SH3GL3: variants seen among roughly 807,000 people sequenced by gnomAD.
SH3GL3 encodes the protein SH3 domain containing GRB2 like 3, endophilin A3, also known as endophilin-A3.
SH3GL3 carries 33 observed loss-of-function variants against 47.7 expected under a neutral mutation model. That is an observed-to-expected ratio of 0.69 (90% CI 0.52 to 0.92). The LOEUF (loss-of-function observed/expected upper bound fraction) is 0.92. Among genes scored for constraint, SH3GL3 ranks in the 40% least tolerant of loss-of-function variants. The probability of loss-of-function intolerance (pLI) is 0.00; values close to 1 mark genes in which losing one functional copy is unlikely to be tolerated. For synonymous variants in SH3GL3, 155 were observed against 148.8 expected, an observed-to-expected ratio of 1.04 and a Z score of -0.30; for missense variants, 363 against 417.8, an observed-to-expected ratio of 0.87 and a Z score of 1.14.
intron 2 of SH3GL3, 145 bp downstream of exon 2, chr15:83,559,466 C>A (rs750869118): frequency 2.9e-5 from 17 of 594,260 alleles, no homozygotes; most frequent in Admixed American, 5.7e-5. Flanking sequence ...GCAGTACTTT[C>A]CCACGTCCCA....
At chr15:83,543,453 T>G (rs1349246170) in intron 1 of SH3GL3, among the ~76,000 whole-genome samples, 1 of 151,986 alleles carries the variant, frequency 6.6e-6, no homozygotes, top group Non-Finnish European at 1.5e-5. Flanking sequence ...TTGTTTTGTT[T>G]GTTTGTTTGT....
At chr15:83,464,840 C>T (rs1353691812) in intron 1 of SH3GL3, among the ~76,000 whole-genome samples, 1 of 152,030 alleles carries the variant, frequency 6.6e-6, no homozygotes, top group East Asian at 1.9e-4. Context: ...ATTCATTTGC[C>T]CACAATGGCC....
At chr15:83,518,397 T>G (rs1015393976) in intron 1 of SH3GL3, among the ~76,000 whole-genome samples, 1 of 152,188 alleles carries the variant, frequency 6.6e-6, no homozygotes, top group African/African-American at 2.4e-5. Flanking sequence ...CTCACCATTA[T>G]CTGTTGTTTT....
chr15:83,517,926 A>G (rs2043053633), intron 1 of SH3GL3, among the ~76,000 whole-genome samples: 1 of 151,826 alleles, frequency 6.6e-6, no homozygotes, highest in Non-Finnish European at 1.5e-5. Flanking sequence ...AGTAGTCCCC[A>G]TTGTCTATTG....
chr15:83,613,801 T>C (rs1049564645), intron 8 of SH3GL3, among the ~76,000 whole-genome samples: 4 of 152,158 alleles, frequency 2.6e-5, no homozygotes, highest in African/African-American at 9.7e-5. Context: ...CCCTCCTGTT[T>C]CTGGCTCAGC....
chr15:83,466,267 A>G (rs1449045604), intron 1 of SH3GL3, among the ~76,000 whole-genome samples: 1 of 152,190 alleles, frequency 6.6e-6, no homozygotes, highest in African/African-American at 2.4e-5. Context: ...CAGTTTGTTC[A>G]ACCATTAACA....
intron 1 of SH3GL3, among the ~76,000 whole-genome samples, chr15:83,469,379 T>A (rs1393511510): frequency 6.6e-6 from 1 of 152,152 alleles, no homozygotes; most frequent in African/African-American, 2.4e-5. Context: ...TATTTGCATA[T>A]TTTCCTTCCA....
intron 1 of SH3GL3, among the ~76,000 whole-genome samples, chr15:83,489,480 C>T (rs2041765969): frequency 2.6e-5 from 4 of 152,172 alleles, no homozygotes; most frequent in Admixed American, 2.0e-4. Flanking sequence ...CCCCACCTCC[C>T]GTGGGAACTG....
chr15:83,530,780 A>G (rs1373030746), intron 1 of SH3GL3, among the ~76,000 whole-genome samples: 1 of 152,114 alleles, frequency 6.6e-6, no homozygotes, highest in East Asian at 1.9e-4. Flanking sequence ...TCAGTTAATC[A>G]TCATGATTCA....
intron 1 of SH3GL3, among the ~76,000 whole-genome samples, chr15:83,546,182 TG>T (rs1468067970): frequency 1.3e-5 from 2 of 151,216 alleles, no homozygotes; most frequent in East Asian, 3.9e-4. Flanking sequence ...GGCCTGGAAC[TG>T]GGGGCTGCAG....
chr15:83,607,156 T>C (rs2060538529), intron 8 of SH3GL3, among the ~76,000 whole-genome samples: 1 of 152,252 alleles, frequency 6.6e-6, no homozygotes, highest in Non-Finnish European at 1.5e-5. Context: ...TTGACTTTGC[T>C]GAAATGATCT....
downstream of SH3GL3, among the ~76,000 whole-genome samples, chr15:83,621,773 T>C (rs1357451614): frequency 6.6e-6 from 1 of 152,196 alleles, no homozygotes; most frequent in East Asian, 1.9e-4. Flanking sequence ...GAGGCAGAGT[T>C]TGAAATCAGA....
At chr15:83,622,923 C>G (rs1002143233), downstream of SH3GL3, among the ~76,000 whole-genome samples, 1 of 152,214 alleles carries the variant, frequency 6.6e-6, no homozygotes, top group Non-Finnish European at 1.5e-5. Flanking sequence ...GCATTTCTCC[C>G]GAGGCAATGG....
Position 83,541,310 on chromosome 15 carries a change from C to CAATTTTTTTTTTTT in SH3GL3, c.46-17943_46-17942insAATTTTTTTTTTTT, listed in dbSNP as rs1567318555. Among the ~76,000 whole-genome samples the CAATTTTTTTTTTTT allele has an allele frequency of 2.9e-4, 14 of 47,808 alleles. 1 individual carries two copies. Among genetic ancestry groups the CAATTTTTTTTTTTT allele is most frequent in the African/African-American group, 9.1e-4 (14 of 15,332 alleles). The allele number at this position is 47,808 out of a possible 152,430, so 31.4% of individuals were successfully genotyped here. ...GGGATGGCTGGATCATATGGTAATT[C>CAATTTTTTTTTTTT]TATTTTTTTTTTTTTTTTTTTTTTT... On this transcript the variant is annotated intron_variant, in intron 1 of 8. Coordinates refer to ENST00000427482, the MANE Select transcript of SH3GL3 (RefSeq NM_003027.5).
chr15:83,524,391 G>T (rs1596176354), intron 1 of SH3GL3, among the ~76,000 whole-genome samples: 2 of 152,064 alleles, frequency 1.3e-5, no homozygotes, highest in Admixed American at 1.3e-4. Flanking sequence ...TATTTTTATT[G>T]ATCCATAACA....
chr15:83,463,277 C>T (rs1281403598), intron 1 of SH3GL3, among the ~76,000 whole-genome samples: 7 of 152,208 alleles, frequency 4.6e-5, no homozygotes, highest in Non-Finnish European at 1.5e-5. Flanking sequence ...AGATAAGATG[C>T]TCTTGAAAGA....
chr15:83,449,405 G>A (rs1433178587), intron 1 of SH3GL3, among the ~76,000 whole-genome samples: 2 of 152,224 alleles, frequency 1.3e-5, no homozygotes, highest in African/African-American at 4.8e-5. Context: ...AGCAGTGCCA[G>A]AGTAATCGCT....
At chr15:83,585,897 G>T (rs188337477) in intron 6 of SH3GL3, among the ~76,000 whole-genome samples, 1 of 152,184 alleles carries the variant, frequency 6.6e-6, no homozygotes, top group South Asian at 2.1e-4. Flanking sequence ...ACTAAAGAAT[G>T]ATTTGCAACT....
At chr15:83,489,011 G>T (rs1248854769) in intron 1 of SH3GL3, among the ~76,000 whole-genome samples, 1 of 152,238 alleles carries the variant, frequency 6.6e-6, no homozygotes, top group Non-Finnish European at 1.5e-5. Flanking sequence ...GTGCATCAGG[G>T]TTGAATGGGG....
Sources: gnomAD v4.1 joint callset for allele counts (sites outside exome capture counted in the v4.1 genomes callset) on GRCh38, gnomAD v4.1.1 for gene constraint, MANE v1.5 for transcripts, NCBI Gene and HGNC (gene_info 2026-07-23, HGNC 2026-07-21) for gene names.